The following GPC5 variants were observed in gnomAD, a reference collection of about 807,000 sequenced individuals.
The protein encoded by GPC5 is glypican 5.
In GPC5, 47 loss-of-function variants were observed where a neutral mutation model predicts 53.9. The ratio of observed to expected loss-of-function variants is 0.87; its 90% CI spans 0.69 to 1.11. The LOEUF (loss-of-function observed/expected upper bound fraction) is 1.11. Among genes scored for constraint, GPC5 ranks in the 50% most tolerant of loss-of-function variants. GPC5 has a pLI of 0.00. For synonymous variants in GPC5, 286 were observed against 263.3 expected (o/e 1.09, Z -0.84); for missense variants, 748 against 713.1 (o/e 1.05, Z -0.56).
At chr13:91,619,207 A>C (rs1339603183) in intron 2 of GPC5, among the ~76,000 whole-genome samples, 1 of 152,112 alleles carries the variant, frequency 6.6e-6, no homozygotes, top group African/African-American at 2.4e-5. Context: ...TAAACATTTC[A>C]AAAAATTTAA....
At chr13:91,621,659 A>G (rs974977818) in intron 2 of GPC5, among the ~76,000 whole-genome samples, 22 of 151,680 alleles carry the variant, frequency 1.5e-4, no homozygotes, top group Non-Finnish European at 2.9e-4. Flanking sequence ...TTCAATATTT[A>G]GTATTTTCCC....
intron 6 of GPC5, among the ~76,000 whole-genome samples, chr13:91,940,519 A>T (rs979684763): frequency 2.6e-5 from 4 of 152,026 alleles, no homozygotes; most frequent in African/African-American, 9.7e-5. Context: ...TAGTAATGGG[A>T]TTGCTGAGTT....
chr13:92,505,349 A>C (rs1171559629), intron 7 of GPC5, among the ~76,000 whole-genome samples: 2 of 152,054 alleles, frequency 1.3e-5, no homozygotes, highest in Admixed American at 6.6e-5. Context: ...AGTCCAGTAA[A>C]CATGTGAAAA....
intron 7 of GPC5, among the ~76,000 whole-genome samples, chr13:92,670,689 T>A (rs1419050938): frequency 2.0e-5 from 3 of 152,180 alleles, no homozygotes; most frequent in African/African-American, 4.8e-5. Flanking sequence ...AGAATTTTTT[T>A]AAAGTCTGCC....
At chr13:92,385,813 A>G (rs1415780213) in intron 7 of GPC5, among the ~76,000 whole-genome samples, 1 of 144,868 alleles carries the variant, frequency 6.9e-6, no homozygotes. Flanking sequence ...GTATATATAT[A>G]CACGTGTATA....
At chr13:91,877,862 G>A (rs1004014268) in intron 5 of GPC5, among the ~76,000 whole-genome samples, 1 of 152,188 alleles carries the variant, frequency 6.6e-6, no homozygotes, top group Non-Finnish European at 1.5e-5. Flanking sequence ...CATGTTGTGG[G>A]AGGGACCCAG....
chr13:92,496,030 A>G (rs1879965424), intron 7 of GPC5, among the ~76,000 whole-genome samples: 1 of 152,174 alleles, frequency 6.6e-6, no homozygotes, highest in Admixed American at 6.5e-5. Flanking sequence ...CTTGAACTCT[A>G]CAATGAACTA....
intron 1 of GPC5, 59 bp downstream of exon 1, chr13:91,399,268 C>T: frequency 6.4e-7 from 1 of 1,564,978 alleles, no homozygotes; most frequent in Non-Finnish European, 8.6e-7. Flanking sequence ...CTTCGCTCCC[C>T]CAGGCTCCCT....
rs182140131 is a variant in GPC5, at chr13:91,933,708, T to C, written c.1401+25651T>C. 2.9e-3 allele frequency among the ~76,000 whole-genome samples: 441 copies of C among 152,062 alleles called. 2 individuals are homozygous for C. The highest frequency in any genetic ancestry group is 4.9e-3 in the Non-Finnish European group (335 of 67,890). The stretch of plus-strand genomic sequence containing the variant: ...ACTATACCAAGTCATTTTGTTTTCA[T>C]TTCATTTGTAGTATCTAGTGTATTC... On this transcript the variant is annotated intron_variant, in intron 6 of 7. Coordinates refer to ENST00000377067, the MANE Select transcript of GPC5 (RefSeq NM_004466.6).
chr13:92,829,500 G>T (rs1330407080), intron 7 of GPC5, among the ~76,000 whole-genome samples: 4 of 152,096 alleles, frequency 2.6e-5, no homozygotes, highest in African/African-American at 9.7e-5. Flanking sequence ...TGAAATATTT[G>T]TTTAACCAGA....
chr13:92,229,133 C>A (rs1355532234), intron 7 of GPC5, among the ~76,000 whole-genome samples: 1 of 151,804 alleles, frequency 6.6e-6, no homozygotes, highest in Non-Finnish European at 1.5e-5. Context: ...ATTATAATAA[C>A]CCTACATTAG....
At chr13:92,858,283 AG>A (rs1879069735) in intron 7 of GPC5, among the ~76,000 whole-genome samples, 1 of 152,126 alleles carries the variant, frequency 6.6e-6, no homozygotes, top group African/African-American at 2.4e-5. Flanking sequence ...GGTTTTATAA[AG>A]GGCAGTTCCC....
intron 1 of GPC5, among the ~76,000 whole-genome samples, chr13:91,425,215 C>T (rs1207027700): frequency 6.6e-6 from 1 of 152,118 alleles, no homozygotes; most frequent in Non-Finnish European, 1.5e-5. Context: ...AGACATGTAA[C>T]CAATTTCAAA....
At chr13:92,532,537 A>G (rs1417299551) in intron 7 of GPC5, among the ~76,000 whole-genome samples, 1 of 152,200 alleles carries the variant, frequency 6.6e-6, no homozygotes, top group Non-Finnish European at 1.5e-5. Flanking sequence ...ACTGTATGTG[A>G]CACCAAATAG....
intron 7 of GPC5, among the ~76,000 whole-genome samples, chr13:92,296,391 G>A (rs71427545): frequency 0.01 from 1,555 of 152,248 alleles, 27 homozygotes; most frequent in Middle Eastern, 0.044. Context: ...AGCTAAGCAT[G>A]TCTGAGCTCA....
intron 7 of GPC5, among the ~76,000 whole-genome samples, chr13:92,529,922 T>C (rs1391262564): frequency 6.6e-6 from 1 of 151,788 alleles, no homozygotes; most frequent in African/African-American, 2.4e-5. Context: ...GTCTCTACTA[T>C]AAATTTAAAA....
chr13:91,497,618 A>G (rs1412486499), intron 2 of GPC5, among the ~76,000 whole-genome samples: 3 of 152,180 alleles, frequency 2.0e-5, no homozygotes, highest in African/African-American at 7.2e-5. Context: ...ATCCTTTTCC[A>G]TTTAAGTACC....
At chr13:92,017,875 G>C (rs577215405) in intron 6 of GPC5, among the ~76,000 whole-genome samples, 2 of 151,166 alleles carry the variant, frequency 1.3e-5, no homozygotes, top group Non-Finnish European at 2.9e-5. Flanking sequence ...GCGTGCATGA[G>C]TACCTACACT....
At chr13:92,661,756 A>G (rs1886350807) in intron 7 of GPC5, among the ~76,000 whole-genome samples, 1 of 152,180 alleles carries the variant, frequency 6.6e-6, no homozygotes, top group Non-Finnish European at 1.5e-5. Context: ...CATTTTTGGT[A>G]TTTATTGTCA....
Sources: gnomAD v4.1 joint callset for allele counts (sites outside exome capture counted in the v4.1 genomes callset) on GRCh38, gnomAD v4.1.1 for gene constraint, MANE v1.5 for transcripts, NCBI Gene and HGNC (gene_info 2026-07-23, HGNC 2026-07-21) for gene names.